The following SNAP29 variants were observed in gnomAD, a reference collection of about 807,000 sequenced individuals.
SNAP29 encodes synaptosomal-associated protein 29.
Under a neutral mutation model 27.9 loss-of-function variants are expected in SNAP29, and 13 were observed. The observed-to-expected ratio is 0.47, with a 90% CI of 0.30 to 0.74. SNAP29 has a LOEUF of 0.74. SNAP29 is among the 30% of genes least tolerant of loss of function. The pLI, the probability that SNAP29 is intolerant of heterozygous loss-of-function variation, is 0.06. For synonymous variants in SNAP29, 119 were observed against 127.1 expected, an observed-to-expected ratio of 0.94 and a Z score of 0.43; for missense variants, 368 against 336.5, an observed-to-expected ratio of 1.09 and a Z score of -0.73.
chr22:20,874,863 T>C (rs1329463873), intron 2 of SNAP29, among the ~76,000 whole-genome samples: 1 of 152,088 alleles, frequency 6.6e-6, no homozygotes, highest in African/African-American at 2.4e-5. Context: ...TTAATTGCCA[T>C]AGGAGAAGGT....
intron 2 of SNAP29, among the ~76,000 whole-genome samples, chr22:20,878,724 G>C (rs1928809927): frequency 6.6e-6 from 1 of 152,226 alleles, no homozygotes. Flanking sequence ...CTGATTCCCA[G>C]ATTGGCTGGC....
At chr22:20,880,463 G>A (rs967467981) in intron 2 of SNAP29, among the ~76,000 whole-genome samples, 2 of 150,110 alleles carry the variant, frequency 1.3e-5, no homozygotes, top group African/African-American at 2.5e-5. Flanking sequence ...CCAAGATCAC[G>A]CCACTGCACT....
At chr22:20,861,482 G>T (rs165678) in intron 1 of SNAP29, among the ~76,000 whole-genome samples, 73,834 of 151,800 alleles carry the variant, frequency 0.49, 18,452 homozygotes, top group African/African-American at 0.58. Context: ...CTGTCACCCA[G>T]GCTGGAGTGC....
chr22:20,869,976 G>A (rs548369599), intron 1 of SNAP29, among the ~76,000 whole-genome samples: 45 of 151,968 alleles, frequency 3.0e-4, no homozygotes, highest in Non-Finnish European at 6.2e-4. Context: ...TCACCATGTT[G>A]GCCAGGCTGG....
intron 4 of SNAP29, among the ~76,000 whole-genome samples, chr22:20,886,720 T>C (rs1396950022): frequency 2.0e-5 from 3 of 152,042 alleles, no homozygotes; most frequent in African/African-American, 7.2e-5. Flanking sequence ...CAAGTGATTC[T>C]CTTGCCTCAG....
chr22:20,859,605 A>T (rs1451319902), intron 1 of SNAP29: 2 of 543,566 alleles, frequency 3.7e-6, no homozygotes, highest in Non-Finnish European at 6.5e-6. Flanking sequence ...TCTTACGCCT[A>T]GCTCACGGGG....
intron 2 of SNAP29, among the ~76,000 whole-genome samples, chr22:20,879,469 A>G (rs1928835438): frequency 6.8e-6 from 1 of 146,752 alleles, no homozygotes; most frequent in Non-Finnish European, 1.5e-5. Flanking sequence ...AACCCGGGAG[A>G]TGGAGGTTGC....
chr22:20,881,556 A>C (rs1322143453), intron 3 of SNAP29, among the ~76,000 whole-genome samples: 1 of 152,156 alleles, frequency 6.6e-6, no homozygotes, highest in Admixed American at 6.5e-5. Flanking sequence ...AATACAAAAA[A>C]ATTAGCCAAA....
chr22:20,878,207 T>C (rs1309436133), intron 2 of SNAP29, among the ~76,000 whole-genome samples: 2 of 152,038 alleles, frequency 1.3e-5, no homozygotes, highest in East Asian at 3.9e-4. Context: ...GGGAGGGAAT[T>C]GAATTGAGAG....
At chr22:20,860,046 A>C (rs1928220879) in intron 1 of SNAP29, among the ~76,000 whole-genome samples, 1 of 152,154 alleles carries the variant, frequency 6.6e-6, no homozygotes, top group Non-Finnish European at 1.5e-5. Flanking sequence ...TTCAGAGAGT[A>C]GTACCTTCAA....
At chr22:20,879,215 G>C (rs1928826342) in intron 2 of SNAP29, among the ~76,000 whole-genome samples, 1 of 151,764 alleles carries the variant, frequency 6.6e-6, no homozygotes, top group African/African-American at 2.4e-5. Context: ...GCTGAGACAG[G>C]AGAATGGTGT....
In SNAP29 at chr22:20,870,474, C is replaced by A; in HGVS notation, c.375C>A (p.Ser125=). The change falls in exon 2 of 5, where the codon TCC becomes TCA. Residue 125 remains serine, a synonymous_variant. Transcript: ENST00000215730. ...GGGGGCTGGTCAATTACTTCAAATC[C>A]AAACCAGTAGAGACCCCACCTGAAC... ...VFGGLVNYFK[S]KPVETPPEQN... 2 of 1,614,124 alleles carry A rather than the reference C, an allele frequency of 1.2e-6. No individual in the cohort carries two copies. The highest frequency in any genetic ancestry group is 1.7e-6 in the Non-Finnish European group (2 of 1,180,022).
intron 2 of SNAP29, among the ~76,000 whole-genome samples, chr22:20,880,294 T>TA (rs1264703019): frequency 2.0e-5 from 3 of 152,068 alleles, no homozygotes; most frequent in African/African-American, 7.2e-5. Context: ...GATCAGGAGT[T>TA]AGAGACCAGC....
chr22:20,872,675 C>G (rs544874282), intron 2 of SNAP29, among the ~76,000 whole-genome samples: 1 of 152,012 alleles, frequency 6.6e-6, no homozygotes, highest in African/African-American at 2.4e-5. Context: ...GCTGGGATTA[C>G]AGGCGTGAGC....
At position 20,869,473 on chromosome 22, in the gene SNAP29, C is replaced by T. The variant is rs192153268; in HGVS notation, c.238-864C>T. 6.6e-5 allele frequency among the ~76,000 whole-genome samples: 10 copies of T among 152,212 alleles called. No homozygotes were observed. In the East Asian group the frequency reaches 1.9e-3, roughly 29 times the overall value. On this transcript the variant is annotated intron_variant, in intron 1 of 4. Transcript: ENST00000215730. ...GCAAAGGCCCTGGGACAGGGTCACC[C>T]GTGTTAACAGGTTTTAAAGCTGGAA... is the stretch of plus-strand genomic sequence containing the variant.
At chr22:20,875,514 A>G (rs178073) in intron 2 of SNAP29, among the ~76,000 whole-genome samples, 25,191 of 152,136 alleles carry the variant, frequency 0.17, 2,235 homozygotes, top group Middle Eastern at 0.33. Context: ...TGGCCCTGGG[A>G]ACAGAGGAAG....
chr22:20,860,281 C>T (rs1181101991), intron 1 of SNAP29, among the ~76,000 whole-genome samples: 3 of 151,398 alleles, frequency 2.0e-5, no homozygotes, highest in East Asian at 1.9e-4. Flanking sequence ...CGCTTGTACC[C>T]GGGAGGCAGA....
rs530996066 is a variant in SNAP29 at position 20,879,163 on chromosome 22, C to T, written c.435-1886C>T. Among the ~76,000 whole-genome samples, 8 of 152,146 alleles carry T rather than the reference C, an allele frequency of 5.3e-5. No homozygotes were observed. The East Asian group carries it at 9.7e-4, about 18-fold the overall frequency. ...TCCACTAAAAATACAAAAAATTAGC[C>T]GGGCGTGGTAGTGGGCGCCTGTAGT... On this transcript the variant is annotated intron_variant, in intron 2 of 4. Coordinates refer to ENST00000215730, the MANE Select transcript of SNAP29 (RefSeq NM_004782.4).
At chr22:20,880,584 G>A (rs1463305307) in intron 2 of SNAP29, among the ~76,000 whole-genome samples, 1 of 152,038 alleles carries the variant, frequency 6.6e-6, no homozygotes, top group Non-Finnish European at 1.5e-5. Context: ...ATTGTTTGCT[G>A]ACTGTAGTCT....
Sources: allele counts gnomAD v4.1 joint callset (sites outside exome capture counted in the v4.1 genomes callset), GRCh38; gene constraint gnomAD v4.1.1; transcripts MANE v1.5; gene names NCBI Gene and HGNC (gene_info 2026-07-23, HGNC 2026-07-21).